Variants in MCPH1 observed in about 807,000 individuals in gnomAD.
MCPH1 encodes microcephalin.
Under a neutral mutation model 84.5 loss-of-function variants are expected in MCPH1, and 104 were observed. The observed-to-expected ratio is 1.23, with a 90% CI of 1.05 to 1.45. MCPH1 has a LOEUF of 1.45. MCPH1 is among the 40% of genes most tolerant of loss of function. The probability of loss-of-function intolerance (pLI) is 0.00; values close to 1 mark genes in which losing one functional copy is unlikely to be tolerated. For missense variants in MCPH1, 1,498 were observed against 1,005.7 expected (o/e 1.49, Z -6.62); for synonymous variants, 514 against 366.8 (o/e 1.40, Z -4.58).
chr8:6,610,394 C>G (rs1325630322), intron 12 of MCPH1, among the ~76,000 whole-genome samples: 1 of 152,180 alleles, frequency 6.6e-6, no homozygotes, highest in Non-Finnish European at 1.5e-5. Context: ...TTAGAATATC[C>G]TTTTATAACT....
rs761964470 is a variant in MCPH1, at chr8:6,643,087, C to T, written c.*38C>T. Reference sequence around the variant, plus strand: ...TGGCCTGTGGTGACTGCACACAGCTCGCAAAACTGTCTTTGGATGTTCAAA... The same window carrying T: ...TGGCCTGTGGTGACTGCACACAGCTTGCAAAACTGTCTTTGGATGTTCAAA... On this transcript the variant is annotated 3_prime_UTR_variant, in exon 14 of 14. Coordinates refer to ENST00000344683, the MANE Select transcript of MCPH1 (RefSeq NM_024596.5). 1.7e-5 allele frequency: 26 copies of T among 1,561,696 alleles called. No homozygotes were observed. The East Asian group carries it at 3.8e-4, about 23-fold the overall frequency.
chr8:6,408,956 G>A lies in MCPH1; in HGVS notation c.23-323G>A, dbSNP rs866118869. On this transcript the variant is annotated intron_variant, in intron 1 of 13. Coordinates refer to ENST00000344683, the MANE Select transcript of MCPH1 (RefSeq NM_024596.5). ...GCTGGAGTGCAATGGCGCAATCTCGGCTCACTGCAACCTCTGCCTCCCGGG... is the reference window on the plus strand; with the variant it reads ...GCTGGAGTGCAATGGCGCAATCTCGACTCACTGCAACCTCTGCCTCCCGGG... 3.4e-4 allele frequency among the ~76,000 whole-genome samples: 51 copies of A among 152,064 alleles called. 1 individual carries two copies. Among genetic ancestry groups the A allele is most frequent in the African/African-American group, 1.1e-3 (44 of 41,420 alleles).
Position 6,636,011 on chromosome 8 carries a change from T to C in MCPH1, c.2453-6983T>C, listed in dbSNP as rs4841450. 4.5e-3 allele frequency among the ~76,000 whole-genome samples: 691 copies of C among 152,198 alleles called. 6 individuals are homozygous for C. The highest frequency in any genetic ancestry group is 0.016 in the African/African-American group (668 of 41,510). ...TGTGAAGTACTTATGTGTGAATAAG[T>C]GTAAGGAAATGACTGCTTGGTAGTA... On this transcript the variant is annotated intron_variant, in intron 13 of 13. Coordinates refer to ENST00000344683, the MANE Select transcript of MCPH1 (RefSeq NM_024596.5).
chr8:6,509,657 C>A (rs1563315896), intron 12 of MCPH1, among the ~76,000 whole-genome samples: 1 of 152,186 alleles, frequency 6.6e-6, no homozygotes, highest in African/African-American at 2.4e-5. Flanking sequence ...ACACTATTTA[C>A]AATACAGACG....
intron 6 of MCPH1, 82 bp downstream of exon 6, chr8:6,439,178 A>C: frequency 6.4e-6 from 9 of 1,399,638 alleles, no homozygotes; most frequent in Middle Eastern, 2.0e-4. Flanking sequence ...CTTTGCCTAG[A>C]TATTTTAATG....
intron 11 of MCPH1, chr8:6,499,589 GATA>G: frequency 3.4e-6 from 1 of 297,394 alleles, no homozygotes; most frequent in East Asian, 5.8e-5. Flanking sequence ...GTAAAAACAG[GATA>G]ATATTTAAAT....
At chr8:6,461,950 A>G (rs1390937891) in intron 9 of MCPH1, among the ~76,000 whole-genome samples, 2 of 152,202 alleles carry the variant, frequency 1.3e-5, no homozygotes, top group East Asian at 3.8e-4. Context: ...TATTATCCTC[A>G]GGAACATTTT....
In MCPH1 at chr8:6,410,136, A is replaced by AT. The variant is rs1213946380; in HGVS notation, c.114+777dup. Among the ~76,000 whole-genome samples, 354 of 147,128 alleles carry AT rather than the reference A, an allele frequency of 2.4e-3. 1 individual carries two copies. Among genetic ancestry groups the AT allele is most frequent in the African/African-American group, 7.2e-3 (291 of 40,276 alleles). On this transcript the variant is annotated intron_variant, in intron 2 of 13. Coordinates refer to ENST00000344683, the MANE Select transcript of MCPH1 (RefSeq NM_024596.5). ...AGGCACATGCCACCATGCCTAGCTA[A>AT]TTTTTTTTTTTGTATTTTTAGTAAA...
rs554789750 is a variant in MCPH1, at chr8:6,645,742, A to T, written c.*2693A>T. ...TATTTATATATACTGTCAATAAGCA[A>T]TTCAAAATGAAATTAAGACCACGAT... On this transcript the variant is annotated 3_prime_UTR_variant, in exon 14 of 14. Transcript: ENST00000344683. 1.3e-5 allele frequency: 2 copies of T among 152,226 alleles called. No individual in the cohort carries two copies. The highest frequency in any genetic ancestry group is 2.1e-4 in the South Asian group (1 of 4,816). 9.4% of individuals were successfully genotyped at this position (152,226 alleles called of 1,614,324 possible). A position where few individuals can be genotyped will look rare whatever the true frequency, so the allele number is the denominator to read the frequency against.
At chr8:6,519,168 T>C (rs1586307654) in intron 12 of MCPH1, among the ~76,000 whole-genome samples, 1 of 152,220 alleles carries the variant, frequency 6.6e-6, no homozygotes, top group Non-Finnish European at 1.5e-5. Context: ...TAGATGAGGT[T>C]AGAATCGCCT....
At chr8:6,635,977 A>G (rs1245414820) in intron 13 of MCPH1, among the ~76,000 whole-genome samples, 1 of 152,104 alleles carries the variant, frequency 6.6e-6, no homozygotes, top group Non-Finnish European at 1.5e-5. Context: ...GGCATGTCTT[A>G]TTTTTTACTG....
intron 12 of MCPH1, among the ~76,000 whole-genome samples, chr8:6,539,102 TGGCAGA>T (rs937481323): frequency 6.6e-6 from 1 of 152,190 alleles, no homozygotes; most frequent in African/African-American, 2.4e-5. Context: ...CAGTACTTCA[TGGCAGA>T]GGCTGAGCCT....
chr8:6,586,537 G>C (rs1827996464), intron 12 of MCPH1, among the ~76,000 whole-genome samples: 1 of 152,190 alleles, frequency 6.6e-6, no homozygotes, highest in South Asian at 2.1e-4. Context: ...TCTTTCAGCA[G>C]TTATTGAGCA....
At chr8:6,503,370 A>G in intron 12 of MCPH1, 1 of 1,088,698 alleles carries the variant, frequency 9.2e-7, no homozygotes, top group Non-Finnish European at 1.4e-6. Flanking sequence ...CGTGTGGAGT[A>G]GGCACATGCA....
chr8:6,525,141 A>G (rs1160204448), intron 12 of MCPH1, among the ~76,000 whole-genome samples: 3 of 152,268 alleles, frequency 2.0e-5, no homozygotes, highest in Admixed American at 1.3e-4. Context: ...TTAACCAGCC[A>G]AGGAACTGGC....
At chr8:6,519,712 C>G in intron 12 of MCPH1, 1 of 907,120 alleles carries the variant, frequency 1.1e-6, no homozygotes, top group Admixed American at 2.7e-5. Flanking sequence ...TTGGCAAGCA[C>G]TCTAGGCGAG....
intron 12 of MCPH1, chr8:6,563,497 C>A (rs1825852618): frequency 6.6e-6 from 1 of 152,398 alleles, no homozygotes; most frequent in African/African-American, 2.4e-5. Context: ...TTAAGTATTT[C>A]CTAGAGAGAG....
In MCPH1 at chr8:6,445,280, C is replaced by G; in HGVS notation, c.1558C>G (p.Pro520Ala). 2 of 1,614,140 alleles carry G rather than the reference C, an allele frequency of 1.2e-6. No individual in the cohort carries two copies. The highest frequency in any genetic ancestry group is 1.7e-6 in the Non-Finnish European group (2 of 1,180,034). Residue 520 changes from proline to alanine, a missense_variant, in exon 8 of 14, where the codon CCA becomes GCA. By Grantham distance (27) the Pro-to-Ala change is conservative (BLOSUM62 -1). Transcript: ENST00000344683. ...CRQAGKEDAC[P>A]EGNGFSYTIE... ...ACAGGCTGGGAAAGAAGACGCATGC[C>G]CAGAGGGAAATGGCTTTTCTTACAC...
chr8:6,427,573 T>G (rs1456825327), intron 3 of MCPH1, among the ~76,000 whole-genome samples: 1 of 152,022 alleles, frequency 6.6e-6, no homozygotes, highest in East Asian at 1.9e-4. Flanking sequence ...GAGACGGCAT[T>G]CTTGCTACGT....
Sources: allele counts gnomAD v4.1 joint callset (sites outside exome capture counted in the v4.1 genomes callset), GRCh38; gene constraint gnomAD v4.1.1; transcripts MANE v1.5; gene names NCBI Gene and HGNC (gene_info 2026-07-23, HGNC 2026-07-21).